The following P2RY8 variants were observed in gnomAD, a reference collection of about 807,000 sequenced individuals.
P2RY8 encodes P2Y receptor family member 8.
In P2RY8, 6 loss-of-function variants were observed where a neutral mutation model predicts 10.0. The ratio of observed to expected loss-of-function variants is 0.60; its 90% CI spans 0.33 to 1.19. The LOEUF is 1.19. Ranked by LOEUF, P2RY8 falls within the 50% of genes most tolerant of loss-of-function variation. The pLI, the probability that P2RY8 is intolerant of heterozygous loss-of-function variation, is 0.04. For synonymous variants in P2RY8, 276 were observed against 252.5 expected (o/e 1.09, Z -0.88); for missense variants, 456 against 542.0 (o/e 0.84, Z 1.58).
At chrX:1,536,554 G>A (rs1327671415) in intron 1 of P2RY8, among the ~76,000 whole-genome samples, 3 of 151,916 alleles carry the variant, frequency 2.0e-5, no homozygotes, top group Admixed American at 6.6e-5. Context: ...CTGCCACCAC[G>A]CCTGGCTAAT....
chrX:1,474,672 G>T (rs2091854830), intron 1 of P2RY8, among the ~76,000 whole-genome samples: 1 of 146,692 alleles, frequency 6.8e-6, no homozygotes, highest in South Asian at 2.2e-4. Flanking sequence ...GGATGGATGG[G>T]TGGACAGATG....
At chrX:1,482,224 G>T (rs747421579) in intron 1 of P2RY8, among the ~76,000 whole-genome samples, 24 of 150,026 alleles carry the variant, frequency 1.6e-4, no homozygotes, top group African/African-American at 5.7e-4. Flanking sequence ...AGCAAAATCG[G>T]CCTCACTCTG....
chrX:1,467,140 T>C (rs1278681554), intron 1 of P2RY8, among the ~76,000 whole-genome samples: 1 of 151,782 alleles, frequency 6.6e-6, no homozygotes, highest in Non-Finnish European at 1.5e-5. Flanking sequence ...TGGGTATGAG[T>C]CCTCTCATCT....
intron 1 of P2RY8, among the ~76,000 whole-genome samples, chrX:1,498,041 C>T (rs1254372064): frequency 1.3e-5 from 2 of 152,246 alleles, no homozygotes; most frequent in South Asian, 2.1e-4. Flanking sequence ...CTGCTCCCTG[C>T]GAGCTGATTC....
At chrX:1,532,043 C>A (rs2092479150) in intron 1 of P2RY8, among the ~76,000 whole-genome samples, 1 of 152,066 alleles carries the variant, frequency 6.6e-6, no homozygotes, top group Admixed American at 6.6e-5. Flanking sequence ...TTTGATCCAG[C>A]AATCCCACTG....
intron 1 of P2RY8, among the ~76,000 whole-genome samples, chrX:1,502,323 C>T (rs1217419853): frequency 1.3e-5 from 2 of 152,146 alleles, no homozygotes; most frequent in African/African-American, 2.4e-5. Context: ...TTGGTCATGT[C>T]CTCCCGGGGG....
At chrX:1,499,510 T>C (rs73184979) in intron 1 of P2RY8, among the ~76,000 whole-genome samples, 9,123 of 152,222 alleles carry the variant, frequency 0.06, 358 homozygotes, top group African/African-American at 0.12. Flanking sequence ...CCACACCTAC[T>C]GGTTATGTTC....
At chrX:1,521,029 C>G (rs1427408235) in intron 1 of P2RY8, among the ~76,000 whole-genome samples, 1 of 83,870 alleles carries the variant, frequency 1.2e-5, no homozygotes, top group African/African-American at 4.7e-5. Context: ...TCTGATTTTT[C>G]TTTTCTTTTT....
intron 1 of P2RY8, among the ~76,000 whole-genome samples, chrX:1,497,080 G>A (rs763382330): frequency 1.4e-3 from 216 of 150,706 alleles, no homozygotes; most frequent in African/African-American, 5.1e-3. Context: ...TTAGCCAGGC[G>A]TGGTGGTGGC....
chrX:1,478,886 C>T (rs2091905928), intron 1 of P2RY8, among the ~76,000 whole-genome samples: 1 of 152,050 alleles, frequency 6.6e-6, no homozygotes. Flanking sequence ...AAGCCTCCTG[C>T]CCCCTGCTGT....
intron 1 of P2RY8, chrX:1,494,062 A>C (rs1369206886): frequency 6.6e-6 from 1 of 152,268 alleles, no homozygotes; most frequent in African/African-American, 2.4e-5. Context: ...AGCCTCTCCT[A>C]CCCGAACACT....
Position 1,465,839 on chromosome X carries a change from C to A in P2RY8, c.720G>T (p.Ala240=), listed in dbSNP as rs780556675. 2.5e-6 allele frequency: 4 copies of A among 1,612,898 alleles called. No homozygotes were observed. The highest frequency in any genetic ancestry group is 1.1e-5 in the South Asian group (1 of 91,062). The change falls in exon 2 of 2, where the codon GCG becomes GCT. Residue 240 remains alanine, a synonymous_variant. Coordinates refer to ENST00000381297, the MANE Select transcript of P2RY8 (RefSeq NM_178129.5). ...EQRRRAVGLA[A]VVLLAFVTCF... The stretch of plus-strand genomic sequence containing the variant: ...AGGTGACAAAGGCCAGCAAGACCAC[C>A]GCGGCCAGGCCCACCGCGCGCCTCC...
At chrX:1,510,073 A>G (rs1412456933) in intron 1 of P2RY8, among the ~76,000 whole-genome samples, 1 of 151,948 alleles carries the variant, frequency 6.6e-6, no homozygotes, top group Non-Finnish European at 1.5e-5. Flanking sequence ...TATCTCATCT[A>G]TCATCTTTAT....
chrX:1,498,489 C>T (rs2092142028), intron 1 of P2RY8, among the ~76,000 whole-genome samples: 2 of 150,614 alleles, frequency 1.3e-5, no homozygotes, highest in Admixed American at 6.6e-5. Flanking sequence ...GGTGACCTCC[C>T]AACACTATGG....
In P2RY8 at chrX:1,530,269, T is replaced by TTATCTACCTATC. The variant is rs1556687144; in HGVS notation, c.-25+6651_-25+6652insGATAGGTAGATA. On this transcript the variant is annotated intron_variant, in intron 1 of 1. Transcript: ENST00000381297. ...CTATCTCTATTACCTATCATCACCA[T>TTATCTACCTATC]TATCTATCTATCTATCTATCTATCT... Among the ~76,000 whole-genome samples the TTATCTACCTATC allele has an allele frequency of 4.8e-3, 712 of 148,398 alleles. 5 individuals are homozygous for TTATCTACCTATC. The highest frequency in any genetic ancestry group is 0.015 in the Middle Eastern group (4 of 262).
chrX:1,515,801 A>C (rs73186928), intron 1 of P2RY8, among the ~76,000 whole-genome samples: 43,735 of 151,650 alleles, frequency 0.29, 6,689 homozygotes, highest in Middle Eastern at 0.41. Flanking sequence ...TGCTGTCAGG[A>C]GGTGAGAGCT....
chrX:1,474,436 T>C (rs5990005), intron 1 of P2RY8, among the ~76,000 whole-genome samples: 18,407 of 103,278 alleles, frequency 0.18, 4,262 homozygotes, highest in African/African-American at 0.44. Flanking sequence ...GATGGATGGG[T>C]GGATAGATGG....
chrX:1,535,137 T>C (rs1364619384), intron 1 of P2RY8, among the ~76,000 whole-genome samples: 4 of 150,450 alleles, frequency 2.7e-5, no homozygotes, highest in South Asian at 2.1e-4. Context: ...GGCACCTGTC[T>C]GGCAGTGCCT....
chrX:1,533,907 T>C (rs1472843072), intron 1 of P2RY8, among the ~76,000 whole-genome samples: 2 of 123,014 alleles, frequency 1.6e-5, no homozygotes, highest in East Asian at 5.6e-4. Context: ...ATATGTATTA[T>C]TTAAATATAT....
Sources: gnomAD v4.1 joint callset for allele counts (sites outside exome capture counted in the v4.1 genomes callset) on GRCh38, gnomAD v4.1.1 for gene constraint, MANE v1.5 for transcripts, NCBI Gene and HGNC (gene_info 2026-07-23, HGNC 2026-07-21) for gene names.